The following SHPRH variants were observed in gnomAD, a reference collection of about 807,000 sequenced individuals.
SHPRH encodes the protein E3 ubiquitin-protein ligase SHPRH.
SHPRH carries 106 observed loss-of-function variants against 202.5 expected under a neutral mutation model. That is an observed-to-expected ratio of 0.52 (90% CI 0.45 to 0.62). The LOEUF is 0.62. Among genes scored for constraint, SHPRH ranks in the 20% least tolerant of loss-of-function variants. The pLI is 0.00. For missense variants in SHPRH, 1,710 were observed against 2,020.0 expected (o/e 0.85, Z 2.94); for synonymous variants, 729 against 686.0 (o/e 1.06, Z -0.98).
intron 11 of SHPRH, 121 bp downstream of exon 11, chr6:145,940,602 A>G: frequency 1.1e-6 from 1 of 909,978 alleles, no homozygotes; most frequent in Non-Finnish European, 1.7e-6. Flanking sequence ...GGAGTCAACT[A>G]TAAAGACATG....
At chr6:145,923,615 T>C (rs1784614239) in intron 18 of SHPRH, 28 bp downstream of exon 18, 9 of 1,607,298 alleles carry the variant, frequency 5.6e-6, no homozygotes, top group Non-Finnish European at 7.6e-6. Context: ...AAATTATGAG[T>C]AGATACTTTT....
intron 25 of SHPRH, among the ~76,000 whole-genome samples, chr6:145,902,211 A>T (rs977452639): frequency 6.6e-6 from 1 of 152,066 alleles, no homozygotes. Context: ...AAGAGTAGAG[A>T]CCCACTAGCA....
chr6:145,950,266 G>A lies in SHPRH; in HGVS notation c.980C>T (p.Thr327Ile). 1 of 1,612,490 alleles carries A rather than the reference G, an allele frequency of 6.2e-7. No individual in the cohort carries two copies. The highest frequency in any genetic ancestry group is 8.5e-7 in the Non-Finnish European group (1 of 1,179,088). The change falls in exon 4 of 30, where the codon ACT becomes ATT. Residue 327 changes from threonine (T) to isoleucine (I), a missense_variant and splice_region_variant. By Grantham distance (89) the Thr-to-Ile change is moderately conservative. This residue lies in a region of SHPRH where 459 missense variants were observed against 426.5 expected (regional missense o/e 1.08). Coordinates refer to ENST00000275233, the MANE Select transcript of SHPRH (RefSeq NM_001042683.3). The stretch of plus-strand genomic sequence containing the variant: ...TTCTTTAAACATCTTATTCTTACCA[G>A]TAGCAGGACTGCTTCTGAAACACTC... Reference protein sequence around the residue: ...QQECFRSSPATESALHFLWRE... With the variant: ...QQECFRSSPAIESALHFLWRE...
chr6:145,919,182 C>T (rs1169380520), intron 22 of SHPRH, 166 bp downstream of exon 22: 2 of 909,942 alleles, frequency 2.2e-6, no homozygotes, highest in Non-Finnish European at 3.3e-6. Context: ...TCATCTTTGA[C>T]CATTTTTGGT....
chr6:145,922,321 C>T lies in SHPRH; in HGVS notation c.3747G>A (p.Leu1249=). Residue 1249 remains leucine (L), a synonymous_variant, in exon 20 of 30, where the codon TTG becomes TTA. Transcript: ENST00000275233. ...NCCVFCKADE[L]FTEYESKLFS... ...ATAGCTTTGATTCATACTCTGTGAA[C>T]AATTCATCAGCTTTACAAAAGACAC... The T allele has an allele frequency of 6.4e-7, 1 of 1,563,596 alleles. No individual in the cohort carries two copies. The highest frequency in any genetic ancestry group is 8.6e-7 in the Non-Finnish European group (1 of 1,164,518).
chr6:145,858,462 A>C, the SHPRH span, among the ~76,000 whole-genome samples: 4 of 152,130 alleles, frequency 2.6e-5, no homozygotes, highest in African/African-American at 9.6e-5. Flanking sequence ...CATACCAAAA[A>C]AAGTGCATGT....
intron 27 of SHPRH, among the ~76,000 whole-genome samples, chr6:145,893,727 AT>A (rs1420790200): frequency 7.2e-5 from 11 of 152,106 alleles, no homozygotes; most frequent in African/African-American, 2.7e-4. Flanking sequence ...AGAGACATGA[AT>A]CTGCTAAATT....
Position 145,943,475 on chromosome 6 carries a change from G to T in SHPRH, c.1906C>A (p.Leu636Ile), listed in dbSNP as rs752340212. ...EHETEDCAES[L>I]NHADSDVPPS... ...GGTACATCACTATCAGCATGATTTA[G>T]AGATTCAGCACAGTCCTCTGTTTCA... Residue 636 changes from leucine (L) to isoleucine (I), a missense_variant, in exon 9 of 30, where the codon CTA becomes ATA. This residue lies in a region of SHPRH where 348 missense variants were observed against 356.9 expected (regional missense o/e 0.97). Transcript: ENST00000275233. The T allele has an allele frequency of 6.2e-7, 1 of 1,613,876 alleles. No individual in the cohort carries two copies. The highest frequency in any genetic ancestry group is 1.3e-5 in the African/African-American group (1 of 74,890).
At position 145,902,330 on chromosome 6, in the gene SHPRH, C is replaced by T. The variant is rs145001508; in HGVS notation, c.4516-7353G>A. Reference sequence around the variant, plus strand: ...GGCTTATCTGCTCTAACAGGTGCCACTAACTTATTTTTATCACAGAGTTAA... The same window carrying T: ...GGCTTATCTGCTCTAACAGGTGCCATTAACTTATTTTTATCACAGAGTTAA... On this transcript the variant is annotated intron_variant, in intron 25 of 29. Coordinates refer to ENST00000275233, the MANE Select transcript of SHPRH (RefSeq NM_001042683.3). Among the ~76,000 whole-genome samples, 670 of 152,192 alleles carry T rather than the reference C, an allele frequency of 4.4e-3. 3 individuals carry two copies. The highest frequency in any genetic ancestry group is 7.6e-3 in the Non-Finnish European group (514 of 67,986).
intron 25 of SHPRH, among the ~76,000 whole-genome samples, chr6:145,897,953 C>G (rs1349840293): frequency 6.6e-6 from 1 of 152,044 alleles, no homozygotes; most frequent in African/African-American, 2.4e-5. Flanking sequence ...TTAAGATCAG[C>G]AAAACACAAA....
At position 145,886,451 on chromosome 6, in the gene SHPRH, C is replaced by CA. The variant is rs779986457; in HGVS notation, c.*239dup. On this transcript the variant is annotated 3_prime_UTR_variant, in exon 30 of 30. Transcript: ENST00000275233. ...CATCAGATATAGATACTATTTGGGA[C>CA]AAAAAATAAATGTTTTATTAGGAGT... 14 of 833,254 alleles carry CA rather than the reference C, an allele frequency of 1.7e-5. No individual in the cohort carries two copies. Among genetic ancestry groups the CA allele is most frequent in the South Asian group, 4.2e-5 (3 of 71,650 alleles). 51.6% of individuals were successfully genotyped at this position (833,254 alleles called of 1,614,324 possible). A position where few individuals can be genotyped will look rare whatever the true frequency, so the allele number is the denominator to read the frequency against.
At position 145,933,172 on chromosome 6, in the gene SHPRH, C is replaced by T; in HGVS notation, c.2997G>A (p.Met999Ile). The stretch of plus-strand genomic sequence containing the variant: ...AAGATGTCAGCAGCTCTTCCATTGT[C>T]ATGGTGCTAAAAGAAAAGGTAGACT... ...GEFLPLQKST[M>I]TMEELLTSLQ... Residue 999 changes from methionine to isoleucine, a missense_variant, in exon 14 of 30, where the codon ATG becomes ATA. Physicochemically the swap from Met to Ile is conservative, Grantham distance 10. Coordinates refer to ENST00000275233, the MANE Select transcript of SHPRH (RefSeq NM_001042683.3). 1 of 1,613,910 alleles carries T rather than the reference C, an allele frequency of 6.2e-7. No individual in the cohort carries two copies. Among genetic ancestry groups the T allele is most frequent in the Non-Finnish European group, 8.5e-7 (1 of 1,179,894 alleles).
In SHPRH at chr6:145,922,386, T is replaced by A. The variant is rs536280642; in HGVS notation, c.3720-38A>T. The A allele has an allele frequency of 3.1e-4, 485 of 1,539,854 alleles. 1 individual carries two copies. The highest frequency in any genetic ancestry group is 3.0e-3 in the Middle Eastern group (17 of 5,604). ...AGATTAACAGAAATATTCACAAACA[T>A]AACCAGCAATCTGGTAATTTTAAGG... On this transcript the variant is annotated intron_variant, in intron 19 of 29. Coordinates refer to ENST00000275233, the MANE Select transcript of SHPRH (RefSeq NM_001042683.3).
At chr6:145,927,569 T>C (rs1197700356) in intron 14 of SHPRH, among the ~76,000 whole-genome samples, 1 of 151,822 alleles carries the variant, frequency 6.6e-6, no homozygotes, top group African/African-American at 2.4e-5. Context: ...TTTGAGATTA[T>C]GCTATTGGAT....
intron 22 of SHPRH, 169 bp from the exon 23 acceptor site, chr6:145,918,401 A>AC (rs1784134401): frequency 3.3e-6 from 1 of 306,590 alleles, no homozygotes; most frequent in South Asian, 1.1e-4. Context: ...ATTTCAAATG[A>AC]TTTTTTTTTT....
At chr6:145,938,425 A>C (rs1786357286) in intron 11 of SHPRH, among the ~76,000 whole-genome samples, 1 of 152,196 alleles carries the variant, frequency 6.6e-6, no homozygotes, top group Non-Finnish European at 1.5e-5. Context: ...TCCTAACAGC[A>C]AAAATCTGAC....
chr6:145,960,501 G>A (rs993444479), intron 1 of SHPRH, among the ~76,000 whole-genome samples: 4 of 152,110 alleles, frequency 2.6e-5, no homozygotes, highest in Non-Finnish European at 5.9e-5. Context: ...CATTAACTCT[G>A]AAAACCCAAA....
chr6:145,950,866 A>T (rs1331302542), intron 3 of SHPRH, among the ~76,000 whole-genome samples: 1 of 148,982 alleles, frequency 6.7e-6, no homozygotes, highest in Non-Finnish European at 1.5e-5. Flanking sequence ...CACGTAGCTG[A>T]CACGTGTATT....
chr6:145,886,446 TG>T lies in SHPRH; in HGVS notation c.*244del. ...TGCATCATCAGATATAGATACTATT[TG>T]GGACAAAAAATAAATGTTTTATTAG... On this transcript the variant is annotated 3_prime_UTR_variant, in exon 30 of 30. Transcript: ENST00000275233. The T allele has an allele frequency of 1.2e-6, 1 of 812,430 alleles. No homozygotes were observed. Among genetic ancestry groups the T allele is most frequent in the Non-Finnish European group, 2.2e-6 (1 of 459,362 alleles). 50.3% of individuals were successfully genotyped at this position (812,430 alleles called of 1,614,324 possible).
Sources: gnomAD v4.1 joint callset for allele counts (sites outside exome capture counted in the v4.1 genomes callset) on GRCh38, gnomAD v4.1.1 for gene constraint, gnomAD v4.1.1 regional missense constraint, MANE v1.5 for transcripts, NCBI Gene and HGNC (gene_info 2026-07-23, HGNC 2026-07-21) for gene names.